POF1B: variants seen among roughly 807,000 people sequenced by gnomAD.
POF1B encodes POF1B actin binding protein.
A neutral mutation model predicts 55.3 loss-of-function variants in POF1B; 53 were observed. The observed-to-expected ratio is 0.96, with a 90% CI of 0.77 to 1.20. The LOEUF (loss-of-function observed/expected upper bound fraction) is 1.20, where lower values mean the gene tolerates loss of function less well. POF1B is among the 50% of genes most tolerant of loss of function. The probability of loss-of-function intolerance (pLI) is 0.00; values close to 1 mark genes in which losing one functional copy is unlikely to be tolerated. For missense variants in POF1B, 478 were observed against 420.5 expected, an observed-to-expected ratio of 1.14 and a Z score of -1.20; for synonymous variants, 188 against 148.3, an observed-to-expected ratio of 1.27 and a Z score of -1.95.
In POF1B at chrX:85,279,377, A is replaced by AC. The variant is rs776879430; in HGVS notation, c.*43_*44insG. The AC allele has an allele frequency of 1.7e-5, 18 of 1,067,548 alleles. No homozygotes were observed. In the Admixed American group the frequency reaches 3.7e-4, roughly 22 times the overall value. 88.0% of individuals were successfully genotyped at this position (1,067,548 alleles called of 1,213,427 possible). ...GTACTAATGCAGAGACACACACACAAAAAAAAAACGGCTTTGAGTTGTAAT... is the reference window on the plus strand; with the variant it reads ...GTACTAATGCAGAGACACACACACAACAAAAAAAACGGCTTTGAGTTGTAAT... On this transcript the variant is annotated 3_prime_UTR_variant, in exon 17 of 17. Coordinates refer to ENST00000262753, the MANE Select transcript of POF1B (RefSeq NM_024921.4).
At chrX:85,373,771 A>C (rs1933875120) in intron 2 of POF1B, among the ~76,000 whole-genome samples, 2 of 111,536 alleles carry the variant, frequency 1.8e-5, no homozygotes, top group African/African-American at 6.5e-5. Context: ...GGACAATCAG[A>C]GGATCAGAAG....
chrX:85,311,696 A>C (rs1020450767), intron 9 of POF1B, among the ~76,000 whole-genome samples: 1 of 112,140 alleles, frequency 8.9e-6, no homozygotes, highest in African/African-American at 3.2e-5. Flanking sequence ...ATCTTTGGGT[A>C]TATACCCAGT....
At chrX:85,371,828 G>T (rs1238302323) in intron 2 of POF1B, among the ~76,000 whole-genome samples, 2 of 111,219 alleles carry the variant, frequency 1.8e-5, no homozygotes, top group African/African-American at 6.5e-5. Flanking sequence ...TTTGTAAAAC[G>T]CGTGGTACAT....
At chrX:85,328,780 CAAAT>C (rs1197901829) in intron 7 of POF1B, among the ~76,000 whole-genome samples, 1 of 104,197 alleles carries the variant, frequency 9.6e-6, no homozygotes, top group East Asian at 3.0e-4. Context: ...ATTGCTTTAA[CAAAT>C]GAATGAGAGA....
At chrX:85,376,779 G>GA (rs1933931360) in intron 2 of POF1B, among the ~76,000 whole-genome samples, 1 of 110,927 alleles carries the variant, frequency 9.0e-6, no homozygotes, top group South Asian at 3.7e-4. Flanking sequence ...TGATTAAATC[G>GA]AAAATGCCTA....
chrX:85,291,802 C>G (rs781035472), intron 15 of POF1B, among the ~76,000 whole-genome samples: 1 of 111,207 alleles, frequency 9.0e-6, no homozygotes, highest in Non-Finnish European at 1.9e-5. Flanking sequence ...AGTTGTTTAT[C>G]AGCTTAAGAA....
At chrX:85,377,976 C>T (rs1412780257) in intron 2 of POF1B, among the ~76,000 whole-genome samples, 2 of 111,978 alleles carry the variant, frequency 1.8e-5, no homozygotes, top group Non-Finnish European at 3.8e-5. Flanking sequence ...TTTTAATCTG[C>T]ACATCATTGT....
intron 7 of POF1B, among the ~76,000 whole-genome samples, chrX:85,319,358 A>C (rs1569286625): frequency 9.0e-6 from 1 of 110,645 alleles, no homozygotes; most frequent in East Asian, 2.8e-4. Flanking sequence ...AATGCCCTTT[A>C]TTTCTTTCTC....
At chrX:85,304,290 C>T in intron 14 of POF1B, 53 bp downstream of exon 14, 2 of 1,048,072 alleles carry the variant, frequency 1.9e-6, no homozygotes, top group Non-Finnish European at 2.5e-6. Flanking sequence ...TCCTACAGTA[C>T]TACAGTACTA....
At chrX:85,294,512 T>C (rs1047402106) in intron 15 of POF1B, among the ~76,000 whole-genome samples, 3 of 112,259 alleles carry the variant, frequency 2.7e-5, no homozygotes, top group African/African-American at 9.7e-5. Context: ...ATGTGGTGAA[T>C]CACATTTATT....
chrX:85,308,288 T>C, intron 9 of POF1B, 72 bp from the exon 10 acceptor site: 1 of 666,425 alleles, frequency 1.5e-6, no homozygotes, highest in African/African-American at 2.2e-5. Flanking sequence ...GAAAGTTTTT[T>C]TTTTCCTACT....
At chrX:85,321,650 A>G (rs1932838933) in intron 7 of POF1B, among the ~76,000 whole-genome samples, 2 of 104,625 alleles carry the variant, frequency 1.9e-5, no homozygotes, top group African/African-American at 7.4e-5. Flanking sequence ...AGGAAGTCAA[A>G]TTGTCCCTGT....
chrX:85,347,356 T>G (rs978286584), intron 5 of POF1B, among the ~76,000 whole-genome samples: 2 of 111,389 alleles, frequency 1.8e-5, no homozygotes, highest in African/African-American at 3.2e-5. Context: ...ATGAAACAAT[T>G]TTCAAGCTGT....
Position 85,324,830 on chromosome X carries a change from A to C in POF1B, c.854+6119T>G, listed in dbSNP as rs544982256. Among the ~76,000 whole-genome samples, 11 of 112,036 alleles carry C rather than the reference A, an allele frequency of 9.8e-5. 1 individual carries two copies. The South Asian group carries it at 4.1e-3, about 42-fold the overall frequency. ...TGTGTGTTTTTATGGTGTTTAATAA[A>C]GGTCTTCCTTTCCATATTTAGCAAT... On this transcript the variant is annotated intron_variant, in intron 7 of 16. Coordinates refer to ENST00000262753, the MANE Select transcript of POF1B (RefSeq NM_024921.4).
chrX:85,337,635 A>G (rs1170691049), intron 6 of POF1B, among the ~76,000 whole-genome samples: 2 of 111,826 alleles, frequency 1.8e-5, no homozygotes, highest in East Asian at 5.7e-4. Flanking sequence ...GTACTGTACA[A>G]TAGTCACAAT....
In POF1B at chrX:85,296,358, G is replaced by A. The variant is rs767233311; in HGVS notation, c.1649+7048C>T. On this transcript the variant is annotated intron_variant, in intron 15 of 16. Coordinates refer to ENST00000262753, the MANE Select transcript of POF1B (RefSeq NM_024921.4). ...GTCTGTGGGATATGTGCTTAAGTGTGTTTTCATGGTAGAAGATATAATTAT... is the reference window on the plus strand; with the variant it reads ...GTCTGTGGGATATGTGCTTAAGTGTATTTTCATGGTAGAAGATATAATTAT... Among the ~76,000 whole-genome samples the A allele has an allele frequency of 4.5e-5, 5 of 112,074 alleles. No homozygotes were observed. The East Asian group carries it at 1.4e-3, about 32-fold the overall frequency.
chrX:85,357,021 C>T (rs141533793), intron 4 of POF1B, among the ~76,000 whole-genome samples: 33 of 111,481 alleles, frequency 3.0e-4, no homozygotes, highest in African/African-American at 9.1e-4. Context: ...TTGTATTCAT[C>T]AAATTCTTTA....
chrX:85,293,897 G>T (rs1441670469), intron 15 of POF1B, among the ~76,000 whole-genome samples: 1 of 109,480 alleles, frequency 9.1e-6, no homozygotes, highest in Non-Finnish European at 1.9e-5. Context: ...TCGCTTGAAT[G>T]TGGGAATCAG....
In POF1B at chrX:85,294,113, G is replaced by A. The variant is rs1416486708; in HGVS notation, c.1649+9293C>T. On this transcript the variant is annotated intron_variant, in intron 15 of 16. Coordinates refer to ENST00000262753, the MANE Select transcript of POF1B (RefSeq NM_024921.4). ...TACTGAAATCATTTACTAGGTCTAG[G>A]AAGCTTTTGGTGGAGTCTTTAGTCT... is the stretch of plus-strand genomic sequence containing the variant. Among the ~76,000 whole-genome samples, 4 of 112,098 alleles carry A rather than the reference G, an allele frequency of 3.6e-5. No individual in the cohort carries two copies. The Admixed American group carries it at 3.8e-4, about 11-fold the overall frequency.
Sources: gnomAD v4.1 joint callset for allele counts (sites outside exome capture counted in the v4.1 genomes callset) on GRCh38, gnomAD v4.1.1 for gene constraint, MANE v1.5 for transcripts, NCBI Gene and HGNC (gene_info 2026-07-23, HGNC 2026-07-21) for gene names.